The following MPDZ variants were observed in gnomAD, a reference collection of about 807,000 sequenced individuals.
MPDZ encodes the protein multiple PDZ domain crumbs cell polarity complex component, also known as multiple PDZ domain protein.
In MPDZ, 234 loss-of-function variants were observed where a neutral mutation model predicts 239.1. That is an observed-to-expected ratio of 0.98 (90% CI 0.88 to 1.09). The LOEUF (loss-of-function observed/expected upper bound fraction) is 1.09, where lower values mean the gene tolerates loss of function less well. MPDZ is among the 50% of genes least tolerant of loss of function. The pLI, the probability that MPDZ is intolerant of heterozygous loss-of-function variation, is 0.00. For synonymous variants in MPDZ, 1,048 were observed against 881.3 expected (o/e 1.19, Z -3.35); for missense variants, 3,175 against 2,510.0 (o/e 1.26, Z -5.66).
chr9:13,209,792 A>C (rs1381565181), intron 10 of MPDZ, among the ~76,000 whole-genome samples: 1 of 152,174 alleles, frequency 6.6e-6, no homozygotes, highest in Non-Finnish European at 1.5e-5. Flanking sequence ...CAATGAAGGC[A>C]GTCAACAAGA....
At chr9:13,147,889 C>G (rs1371814863) in intron 25 of MPDZ, among the ~76,000 whole-genome samples, 1 of 152,008 alleles carries the variant, frequency 6.6e-6, no homozygotes, top group Non-Finnish European at 1.5e-5. Flanking sequence ...AAGACATAAT[C>G]AATTGAAATG....
In MPDZ at chr9:13,224,505, G is replaced by C; in HGVS notation, c.262C>G (p.Leu88Val). 1 of 1,612,848 alleles carries C rather than the reference G, an allele frequency of 6.2e-7. No individual in the cohort carries two copies. The highest frequency in any genetic ancestry group is 1.1e-5 in the South Asian group (1 of 91,058). ...GATAATAAAAACGATTCATTTTGCA[G>C]AGTAGGAATCACAGCTGGGCTGAGA... ...PHLSPAVIPTLQNESFLLSPN... is the reference protein window; with the variant it reads ...PHLSPAVIPTVQNESFLLSPN... Residue 88 changes from leucine to valine, a missense_variant, in exon 4 of 47, where the codon CTG becomes GTG. Transcript: ENST00000319217.
chr9:13,110,843 T>C lies in MPDZ; in HGVS notation c.5725-103A>G, dbSNP rs1942338267. The C allele has an allele frequency of 5.9e-6, 4 of 672,294 alleles. No homozygotes were observed. The East Asian group carries it at 8.3e-5, about 14-fold the overall frequency. 41.6% of individuals were successfully genotyped at this position (672,294 alleles called of 1,614,324 possible). A position where few individuals can be genotyped will look rare whatever the true frequency, so the allele number is the denominator to read the frequency against. ...CCTTCTCCACCTTCCACATGACATA[T>C]ATACTGCTACCAGCCACTGAAATAT... On this transcript the variant is annotated intron_variant, in intron 43 of 46. Transcript: ENST00000319217.
intron 39 of MPDZ, among the ~76,000 whole-genome samples, chr9:13,119,048 T>G (rs922638346): frequency 6.6e-6 from 1 of 152,226 alleles, no homozygotes; most frequent in Admixed American, 6.5e-5. Context: ...AGTATTTTGA[T>G]CAAACTTTCC....
intron 30 of MPDZ, 63 bp from the exon 31 acceptor site, chr9:13,136,245 A>G: frequency 1.8e-6 from 2 of 1,110,960 alleles, no homozygotes; most frequent in Non-Finnish European, 2.6e-6. Context: ...CTCTTACTTC[A>G]AGAGTCAGAA....
chr9:13,228,915 G>C (rs1260337513), intron 3 of MPDZ, among the ~76,000 whole-genome samples: 1 of 152,074 alleles, frequency 6.6e-6, no homozygotes, highest in Non-Finnish European at 1.5e-5. Flanking sequence ...TGCACATTTA[G>C]CTGGTACAAG....
intron 24 of MPDZ, among the ~76,000 whole-genome samples, chr9:13,155,729 T>G (rs1234977112): frequency 6.6e-6 from 1 of 152,210 alleles, no homozygotes; most frequent in Admixed American, 6.5e-5. Context: ...TGTCCCATCA[T>G]GTTTTCAATG....
chr9:13,274,201 A>T (rs1202435375), intron 1 of MPDZ, among the ~76,000 whole-genome samples: 5 of 151,920 alleles, frequency 3.3e-5, no homozygotes, highest in Non-Finnish European at 5.9e-5. Context: ...TACCTTATGT[A>T]TTTTATTATC....
intron 1 of MPDZ, among the ~76,000 whole-genome samples, chr9:13,251,128 CAAAAA>C (rs150252589): frequency 2.7e-5 from 1 of 36,462 alleles, no homozygotes; most frequent in Non-Finnish European, 4.8e-5. Context: ...GACTCCATCT[CAAAAA>C]AAAAAAAAAA....
At chr9:13,147,688 C>T in intron 25 of MPDZ, 30 bp from the exon 26 acceptor site, 2 of 1,547,376 alleles carry the variant, frequency 1.3e-6, no homozygotes, top group Admixed American at 1.7e-5. Flanking sequence ...CTTAACATTT[C>T]AAGAATCTAT....
chr9:13,140,393 C>CATATATATATAT (rs535672637), intron 27 of MPDZ, among the ~76,000 whole-genome samples: 9 of 136,544 alleles, frequency 6.6e-5, no homozygotes, highest in African/African-American at 2.2e-4. Flanking sequence ...TATATATATA[C>CATATATATATAT]ATATATATAT....
At chr9:13,195,683 C>A (rs931319413) in intron 13 of MPDZ, among the ~76,000 whole-genome samples, 1 of 152,082 alleles carries the variant, frequency 6.6e-6, no homozygotes, top group African/African-American at 2.4e-5. Context: ...TTAACCTCTT[C>A]AGGAAGGTAA....
chr9:13,241,264 AATAG>A (rs1392505095), intron 3 of MPDZ, among the ~76,000 whole-genome samples: 2 of 152,236 alleles, frequency 1.3e-5, no homozygotes, highest in African/African-American at 4.8e-5. Context: ...AGTCTCGAGA[AATAG>A]ATACTTTGCT....
At position 13,126,756 on chromosome 9, in the gene MPDZ, C is replaced by T. The variant is rs753824460; in HGVS notation, c.4481G>A (p.Gly1494Asp). Residue 1494 changes from glycine (G) to aspartate (D), a missense_variant, in exon 33 of 47, where the codon GGT becomes GAT. Transcript: ENST00000319217. ...TGTATCTTCTTCGCTGATAGCAATA[C>T]CCAAACCCCCCTGATCCTAGAAAAG... is the stretch of plus-strand genomic sequence containing the variant. Reference protein sequence around the residue: ...LELPKDQGGLGIAISEEDTLS... With the variant: ...LELPKDQGGLDIAISEEDTLS... 1 of 1,613,634 alleles carries T rather than the reference C, an allele frequency of 6.2e-7. No individual in the cohort carries two copies. The highest frequency in any genetic ancestry group is 8.5e-7 in the Non-Finnish European group (1 of 1,179,760).
At chr9:13,223,273 G>A (rs1959354136) in intron 5 of MPDZ, among the ~76,000 whole-genome samples, 1 of 151,488 alleles carries the variant, frequency 6.6e-6, no homozygotes, top group Non-Finnish European at 1.5e-5. Context: ...TTTCTAGCAT[G>A]GTAATTTTAA....
intron 10 of MPDZ, among the ~76,000 whole-genome samples, chr9:13,216,519 C>G (rs143888024): frequency 6.6e-6 from 1 of 151,760 alleles, no homozygotes; most frequent in Non-Finnish European, 1.5e-5. Flanking sequence ...TCATTACAAC[C>G]AGAAATTAGA....
At chr9:13,214,088 G>T (rs1378943820) in intron 10 of MPDZ, among the ~76,000 whole-genome samples, 3 of 151,896 alleles carry the variant, frequency 2.0e-5, no homozygotes, top group African/African-American at 7.2e-5. Context: ...CAAGAAAAAT[G>T]AAAACATATA....
chr9:13,243,960 G>A (rs889853221), intron 3 of MPDZ, among the ~76,000 whole-genome samples: 3 of 152,206 alleles, frequency 2.0e-5, no homozygotes, highest in Admixed American at 1.3e-4. Context: ...CATCTAAGCA[G>A]CTTTTGCAGC....
intron 8 of MPDZ, among the ~76,000 whole-genome samples, chr9:13,219,185 G>T (rs113035581): frequency 6.6e-6 from 1 of 151,870 alleles, no homozygotes; most frequent in Admixed American, 6.6e-5. Flanking sequence ...GAAAGAGAAT[G>T]ATTAGAACTA....
Sources: gnomAD v4.1 joint callset for allele counts (sites outside exome capture counted in the v4.1 genomes callset) on GRCh38, gnomAD v4.1.1 for gene constraint, MANE v1.5 for transcripts, NCBI Gene and HGNC (gene_info 2026-07-23, HGNC 2026-07-21) for gene names.